The following EXT1 variants were observed in gnomAD, a reference collection of about 807,000 sequenced individuals.
EXT1 encodes exostosin-1.
EXT1 carries 20 observed loss-of-function variants against 82.5 expected under a neutral mutation model. The observed-to-expected ratio is 0.24, with a 90% confidence interval of 0.17 to 0.35. EXT1 has a LOEUF of 0.35. Among genes scored for constraint, EXT1 ranks in the 10% least tolerant of loss-of-function variants. The probability of loss-of-function intolerance (pLI) is 1.00; values close to 1 mark genes in which losing one functional copy is unlikely to be tolerated. For missense variants in EXT1, 757 were observed against 936.5 expected, an observed-to-expected ratio of 0.81 and a Z score of 2.50; for synonymous variants, 348 against 350.8, an observed-to-expected ratio of 0.99 and a Z score of 0.09.
At chr8:118,100,847 G>T (rs985232909) in intron 1 of EXT1, among the ~76,000 whole-genome samples, 13 of 151,938 alleles carry the variant, frequency 8.6e-5, no homozygotes, top group African/African-American at 2.7e-4. Flanking sequence ...GTATCTGACT[G>T]CCCCAGGGAT....
chr8:117,797,503 T>C lies in EXT1; in HGVS notation c.*2209A>G, dbSNP rs1239487495. ...TTAGGGACATTGCTTTGCAAGCCAA[T>C]ATGACCACCTAAGTTTCAAGTTGGT... is the stretch of plus-strand genomic sequence containing the variant. On this transcript the variant is annotated 3_prime_UTR_variant, in exon 11 of 11. Transcript: ENST00000378204. 4 of 152,204 alleles carry C rather than the reference T, an allele frequency of 2.6e-5. No homozygotes were observed. Among genetic ancestry groups the C allele is most frequent in the Non-Finnish European group, 5.9e-5 (4 of 68,032 alleles). 9.4% of individuals were successfully genotyped at this position (152,204 alleles called of 1,614,324 possible).
At chr8:117,915,024 G>A (rs11777220) in intron 1 of EXT1, among the ~76,000 whole-genome samples, 51,948 of 151,844 alleles carry the variant, frequency 0.34, 9,071 homozygotes, top group African/African-American at 0.36. Flanking sequence ...AACCCTTAAT[G>A]AAAAACTTGC....
intron 1 of EXT1, among the ~76,000 whole-genome samples, chr8:118,010,168 C>G (rs533802729): frequency 2.0e-5 from 3 of 151,930 alleles, no homozygotes; most frequent in Admixed American, 1.3e-4. Context: ...GTCAGGAGCT[C>G]GAGACCATCC....
At chr8:118,032,406 AT>A (rs1366234642) in intron 1 of EXT1, among the ~76,000 whole-genome samples, 1 of 150,568 alleles carries the variant, frequency 6.6e-6, no homozygotes, top group Non-Finnish European at 1.5e-5. Context: ...AACAATAAAG[AT>A]TTTTTTCAGG....
intron 1 of EXT1, among the ~76,000 whole-genome samples, chr8:117,937,727 T>G (rs2129664321): frequency 6.6e-6 from 1 of 152,318 alleles, no homozygotes; most frequent in East Asian, 1.9e-4. Flanking sequence ...GAAAAATAAC[T>G]CTTATGCACT....
chr8:118,035,498 A>G (rs1212862153), intron 1 of EXT1, among the ~76,000 whole-genome samples: 1 of 152,164 alleles, frequency 6.6e-6, no homozygotes, highest in Non-Finnish European at 1.5e-5. Context: ...TATAATAATT[A>G]AAGGAATAAA....
chr8:117,826,900 A>T (rs1272835452), intron 4 of EXT1, among the ~76,000 whole-genome samples: 2 of 152,226 alleles, frequency 1.3e-5, no homozygotes, highest in Non-Finnish European at 2.9e-5. Flanking sequence ...TTTTGATCCT[A>T]TTCTGATGAA....
intron 1 of EXT1, among the ~76,000 whole-genome samples, chr8:117,873,072 G>A (rs1181422329): frequency 6.6e-6 from 1 of 152,092 alleles, no homozygotes; most frequent in Non-Finnish European, 1.5e-5. Flanking sequence ...TCATGAGGGT[G>A]GAAATCTTTT....
intron 1 of EXT1, among the ~76,000 whole-genome samples, chr8:118,019,570 T>C (rs1816065014): frequency 6.6e-6 from 1 of 152,240 alleles, no homozygotes; most frequent in African/African-American, 2.4e-5. Context: ...CTATTCATCG[T>C]ACATCGTCTT....
At chr8:117,886,214 GT>G (rs1489239951) in intron 1 of EXT1, among the ~76,000 whole-genome samples, 2 of 152,128 alleles carry the variant, frequency 1.3e-5, no homozygotes, top group Non-Finnish European at 2.9e-5. Flanking sequence ...TCAGAATAAA[GT>G]TTTTGTTTGT....
At chr8:117,811,363 G>T (rs1373187082) in intron 8 of EXT1, among the ~76,000 whole-genome samples, 2 of 152,138 alleles carry the variant, frequency 1.3e-5, no homozygotes, top group African/African-American at 4.8e-5. Flanking sequence ...TGAATGTTAA[G>T]CTTATCAACA....
intron 1 of EXT1, among the ~76,000 whole-genome samples, chr8:118,025,570 C>A (rs1410776843): frequency 6.6e-6 from 1 of 152,064 alleles, no homozygotes; most frequent in African/African-American, 2.4e-5. Context: ...AAGGCCCAAA[C>A]AAGCAAAAGA....
intron 1 of EXT1, among the ~76,000 whole-genome samples, chr8:117,968,479 T>C (rs1056435250): frequency 2.6e-5 from 4 of 151,890 alleles, no homozygotes; most frequent in African/African-American, 9.7e-5. Context: ...AACTCAGGCC[T>C]GCCTTACCAC....
intron 1 of EXT1, among the ~76,000 whole-genome samples, chr8:118,084,627 T>C (rs1233492051): frequency 2.0e-5 from 3 of 152,134 alleles, no homozygotes; most frequent in Admixed American, 6.5e-5. Flanking sequence ...GGTCCACATA[T>C]GTCAGTGTTT....
At chr8:118,023,561 T>C (rs1816149462) in intron 1 of EXT1, among the ~76,000 whole-genome samples, 1 of 152,092 alleles carries the variant, frequency 6.6e-6, no homozygotes, top group Non-Finnish European at 1.5e-5. Flanking sequence ...ACTAGGAAAA[T>C]GTAGTCATCA....
intron 1 of EXT1, among the ~76,000 whole-genome samples, chr8:117,892,040 C>G (rs917890961): frequency 6.6e-6 from 1 of 151,942 alleles, no homozygotes; most frequent in Non-Finnish European, 1.5e-5. Context: ...CTCCTGACCT[C>G]GTGATCCACC....
At chr8:117,819,603 A>G in intron 6 of EXT1, 73 bp downstream of exon 6, 3 of 1,292,148 alleles carry the variant, frequency 2.3e-6, no homozygotes, top group South Asian at 1.2e-5. Context: ...CCGGGGGATA[A>G]CAGGTAAGGA....
At chr8:118,096,581 C>T (rs1817615248) in intron 1 of EXT1, among the ~76,000 whole-genome samples, 1 of 144,854 alleles carries the variant, frequency 6.9e-6, no homozygotes, top group Non-Finnish European at 1.5e-5. Flanking sequence ...GGCGACAGAG[C>T]AAGACTCCGT....
In EXT1 at chr8:118,111,079, A is replaced by G. The variant is rs1401838346; in HGVS notation, c.-33T>C. The stretch of plus-strand genomic sequence containing the variant: ...GCCTGGGTCAAGAGGATTGTAAATA[A>G]ACACAAGAATCACCCAAGTTTCCCA... On this transcript the variant is annotated 5_prime_UTR_variant, in exon 1 of 11. Transcript: ENST00000378204. The G allele has an allele frequency of 5.1e-6, 8 of 1,559,734 alleles. No individual in the cohort carries two copies. In the East Asian group the frequency reaches 7.0e-5, roughly 14 times the overall value.
Sources: allele counts gnomAD v4.1 joint callset (sites outside exome capture counted in the v4.1 genomes callset), GRCh38; gene constraint gnomAD v4.1.1; transcripts MANE v1.5; gene names NCBI Gene and HGNC (gene_info 2026-07-23, HGNC 2026-07-21).